The following INSC variants were observed in gnomAD, a reference collection of about 807,000 sequenced individuals.
INSC encodes INSC spindle orientation adaptor protein, also known as protein inscuteable homolog.
Under a neutral mutation model 58.6 loss-of-function variants are expected in INSC, and 67 were observed. That is an observed-to-expected ratio of 1.14 (90% CI 0.94 to 1.40). The LOEUF is 1.40. Ranked by LOEUF, INSC falls within the 40% of genes most tolerant of loss-of-function variation. INSC has a pLI of 0.00. For missense variants in INSC, 714 were observed against 692.0 expected (o/e 1.03, Z -0.36); for synonymous variants, 262 against 276.1 (o/e 0.95, Z 0.51).
chr11:15,228,647 G>A (rs1231295516), intron 9 of INSC, among the ~76,000 whole-genome samples: 5 of 152,208 alleles, frequency 3.3e-5, no homozygotes, highest in Non-Finnish European at 7.3e-5. Flanking sequence ...AAAATACTTA[G>A]GAGATTAAAT....
intron 7 of INSC, among the ~76,000 whole-genome samples, chr11:15,220,601 A>G (rs1368080728): frequency 1.3e-5 from 2 of 152,212 alleles, no homozygotes; most frequent in Non-Finnish European, 2.9e-5. Flanking sequence ...GGGCAAGTCA[A>G]TGAACCTTTC....
At chr11:15,222,279 A>G (rs1851473996) in intron 8 of INSC, among the ~76,000 whole-genome samples, 1 of 148,818 alleles carries the variant, frequency 6.7e-6, no homozygotes, top group East Asian at 1.9e-4. Flanking sequence ...CTGGATAACA[A>G]TCCCCAGGGA....
intron 6 of INSC, among the ~76,000 whole-genome samples, chr11:15,196,580 G>A (rs1204915073): frequency 1.3e-5 from 2 of 152,274 alleles, no homozygotes; most frequent in South Asian, 4.1e-4. Context: ...TATGAGGCTG[G>A]TGGAGGTCAA....
Position 15,246,750 on chromosome 11 carries a change from G to T in INSC, c.*710G>T, listed in dbSNP as rs1435092763. The T allele has an allele frequency of 6.6e-6, 1 of 152,182 alleles. No homozygotes were observed. The highest frequency in any genetic ancestry group is 1.5e-5 in the Non-Finnish European group (1 of 68,024). 9.4% of individuals were successfully genotyped at this position (152,182 alleles called of 1,614,324 possible). ...TGCTTCCTTTGGCTTCTTTGCTTTTGTGTAACCTCCTGTTCACCTCCTGGT... is the reference window on the plus strand; with the variant it reads ...TGCTTCCTTTGGCTTCTTTGCTTTTTTGTAACCTCCTGTTCACCTCCTGGT... On this transcript the variant is annotated 3_prime_UTR_variant, in exon 13 of 13. Coordinates refer to ENST00000379556, the MANE Select transcript of INSC (RefSeq NM_001042536.3).
intron 1 of INSC, among the ~76,000 whole-genome samples, chr11:15,121,802 G>A (rs1387956636): frequency 6.6e-6 from 1 of 152,034 alleles, no homozygotes; most frequent in Non-Finnish European, 1.5e-5. Flanking sequence ...TATTCAATGG[G>A]TTATAGTCAA....
chr11:15,191,939 A>G (rs1850193280), intron 6 of INSC, among the ~76,000 whole-genome samples: 1 of 152,234 alleles, frequency 6.6e-6, no homozygotes, highest in Admixed American at 6.5e-5. Context: ...TGGCCTCTAA[A>G]TAAACTCAGT....
intron 3 of INSC, 32 bp from the exon 4 acceptor site, chr11:15,177,079 G>A (rs1447579940): frequency 1.3e-6 from 2 of 1,592,492 alleles, no homozygotes; most frequent in African/African-American, 1.3e-5. Flanking sequence ...AATGCTTACT[G>A]AGTTGAATAA....
In INSC at chr11:15,239,021, T is replaced by C; in HGVS notation, c.1340T>C (p.Leu447Pro). 6.2e-7 allele frequency: 1 copy of C among 1,614,162 alleles called. No homozygotes were observed. The highest frequency in any genetic ancestry group is 8.5e-7 in the Non-Finnish European group (1 of 1,179,998). ...ERVQQKAAVT[L>P]ARLSRDPDVA... ...GTCCAGCAGAAAGCTGCAGTGACCC[T>C]GGCTCGTCTCAGCCGAGACCCAGAT... The change falls in exon 11 of 13, where the codon CTG becomes CCG. Residue 447 changes from leucine to proline, a missense_variant. Transcript: ENST00000379556.
At chr11:15,242,668 G>A (rs1404888608) in intron 12 of INSC, among the ~76,000 whole-genome samples, 1 of 152,110 alleles carries the variant, frequency 6.6e-6, no homozygotes, top group East Asian at 1.9e-4. Flanking sequence ...TGTTTTCTCT[G>A]TAAATCTGTG....
chr11:15,184,664 G>A (rs1849902170), intron 5 of INSC: 1 of 152,282 alleles, frequency 6.6e-6, no homozygotes, highest in South Asian at 2.1e-4. Context: ...CAAGTGCTGG[G>A]ATTACAGGCA....
intron 7 of INSC, among the ~76,000 whole-genome samples, chr11:15,215,894 G>A (rs1370934455): frequency 1.3e-5 from 2 of 152,160 alleles, no homozygotes; most frequent in East Asian, 3.9e-4. Context: ...AGGGGAGTAA[G>A]GAGGGAAAAC....
chr11:15,204,137 A>G (rs1009907296), intron 7 of INSC, among the ~76,000 whole-genome samples: 3 of 152,230 alleles, frequency 2.0e-5, no homozygotes, highest in Admixed American at 6.5e-5. Flanking sequence ...ACTAACATAT[A>G]TCGAATACTT....
intron 1 of INSC, among the ~76,000 whole-genome samples, chr11:15,134,235 T>C (rs1312233633): frequency 6.6e-6 from 1 of 152,204 alleles, no homozygotes; most frequent in Non-Finnish European, 1.5e-5. Flanking sequence ...TGCTATATAT[T>C]GTAAGATCCC....
chr11:15,264,836 C>G, the INSC span, among the ~76,000 whole-genome samples: 1 of 152,002 alleles, frequency 6.6e-6, no homozygotes, highest in East Asian at 1.9e-4. Flanking sequence ...TTGATAGGTT[C>G]CAGGCATGAG....
At chr11:15,252,592 G>A in the INSC span, among the ~76,000 whole-genome samples, 1 of 152,130 alleles carries the variant, frequency 6.6e-6, no homozygotes. Context: ...TTCCTCTAGA[G>A]TGAGTGATCC....
chr11:15,237,618 G>A (rs571341117), intron 10 of INSC, among the ~76,000 whole-genome samples: 25 of 152,296 alleles, frequency 1.6e-4, no homozygotes, highest in African/African-American at 6.0e-4. Flanking sequence ...TCTACTGGAA[G>A]ACAGGCCTCT....
intron 9 of INSC, among the ~76,000 whole-genome samples, chr11:15,228,632 C>T (rs1363589606): frequency 1.3e-5 from 2 of 152,172 alleles, no homozygotes; most frequent in African/African-American, 4.8e-5. Context: ...TGCTCACTGC[C>T]CCCTAAAATA....
chr11:15,145,271 A>G (rs543308397), intron 1 of INSC, among the ~76,000 whole-genome samples: 9 of 152,140 alleles, frequency 5.9e-5, no homozygotes, highest in African/African-American at 9.7e-5. Flanking sequence ...TGGGTTGGCA[A>G]TTTTCCCAAG....
At chr11:15,117,176 AG>A (rs1401452131) in intron 1 of INSC, among the ~76,000 whole-genome samples, 1 of 151,688 alleles carries the variant, frequency 6.6e-6, no homozygotes, top group Non-Finnish European at 1.5e-5. Flanking sequence ...TCCTGACCTC[AG>A]GTGATCTGCC....
Sources: gnomAD v4.1 joint callset for allele counts (sites outside exome capture counted in the v4.1 genomes callset) on GRCh38, gnomAD v4.1.1 for gene constraint, MANE v1.5 for transcripts, NCBI Gene and HGNC (gene_info 2026-07-23, HGNC 2026-07-21) for gene names.